The following PLCXD3 variants were observed in gnomAD, a reference collection of about 807,000 sequenced individuals.
PLCXD3 encodes the protein phosphatidylinositol specific phospholipase C X domain containing 3, also known as PI-PLC X domain-containing protein 3.
Under a neutral mutation model 25.5 loss-of-function variants are expected in PLCXD3, and 19 were observed. That is an observed-to-expected ratio of 0.75 (90% CI 0.52 to 1.09). The LOEUF (loss-of-function observed/expected upper bound fraction) is 1.09, where lower values mean the gene tolerates loss of function less well. Ranked by LOEUF, PLCXD3 falls within the 50% of genes least tolerant of loss-of-function variation. The pLI is 0.00. For synonymous variants in PLCXD3, 174 were observed against 137.6 expected, an observed-to-expected ratio of 1.26 and a Z score of -1.85; for missense variants, 411 against 388.1, an observed-to-expected ratio of 1.06 and a Z score of -0.50.
chr5:41,342,857 A>G (rs1191421240), intron 2 of PLCXD3, among the ~76,000 whole-genome samples: 1 of 152,156 alleles, frequency 6.6e-6, no homozygotes, highest in East Asian at 1.9e-4. Context: ...ACAATTTGAA[A>G]AATATAAACA....
At chr5:41,384,503 A>G (rs922287648) in intron 1 of PLCXD3, among the ~76,000 whole-genome samples, 62 of 152,098 alleles carry the variant, frequency 4.1e-4, no homozygotes, top group African/African-American at 1.3e-3. Context: ...TTCCAGGCAC[A>G]TGAAGGGAAA....
chr5:41,461,932 C>T (rs1459281916), intron 1 of PLCXD3, among the ~76,000 whole-genome samples: 6 of 151,968 alleles, frequency 3.9e-5, no homozygotes, highest in Non-Finnish European at 8.8e-5. Flanking sequence ...ATCTACTCAA[C>T]AAGCATGTGC....
chr5:41,418,177 T>C (rs1746736220), intron 1 of PLCXD3, among the ~76,000 whole-genome samples: 1 of 152,192 alleles, frequency 6.6e-6, no homozygotes. Flanking sequence ...GGCATATATT[T>C]TTAGAATATA....
At chr5:41,490,318 G>A (rs1748632958) in intron 1 of PLCXD3, among the ~76,000 whole-genome samples, 1 of 152,218 alleles carries the variant, frequency 6.6e-6, no homozygotes, top group Non-Finnish European at 1.5e-5. Context: ...TTTTTGACAT[G>A]CTGCTGGATT....
In PLCXD3 at chr5:41,313,163, G is replaced by A. The variant is rs1020566155; in HGVS notation, c.*454C>T. 1 of 158,376 alleles carries A rather than the reference G, an allele frequency of 6.3e-6. No homozygotes were observed. Among genetic ancestry groups the A allele is most frequent in the Non-Finnish European group, 1.4e-5 (1 of 71,398 alleles). 9.8% of individuals were successfully genotyped at this position (158,376 alleles called of 1,614,324 possible). On this transcript the variant is annotated 3_prime_UTR_variant, in exon 3 of 3. Coordinates refer to ENST00000377801, the MANE Select transcript of PLCXD3 (RefSeq NM_001005473.3). ...GTCCCACAAAACTAGTAAGTTTTAA[G>A]ACAACAATGTAATACACAAAATGTT...
At chr5:41,316,295 G>T (rs1022728756) in intron 2 of PLCXD3, among the ~76,000 whole-genome samples, 60 of 152,224 alleles carry the variant, frequency 3.9e-4, no homozygotes, top group African/African-American at 1.3e-3. Flanking sequence ...AAAGGATGTA[G>T]ACCTACCAGC....
At chr5:41,463,665 G>T (rs1438731438) in intron 1 of PLCXD3, among the ~76,000 whole-genome samples, 2 of 151,910 alleles carry the variant, frequency 1.3e-5, no homozygotes, top group African/African-American at 2.4e-5. Context: ...GCAGAGTTGG[G>T]TCAGAGGCTC....
intron 1 of PLCXD3, among the ~76,000 whole-genome samples, chr5:41,401,027 AGT>A (rs1746170378): frequency 6.6e-6 from 1 of 151,882 alleles, no homozygotes. Context: ...AAAAGAATAT[AGT>A]GTGCTTATTT....
intron 1 of PLCXD3, among the ~76,000 whole-genome samples, chr5:41,510,154 C>T (rs1441449938): frequency 6.6e-6 from 1 of 152,150 alleles, no homozygotes; most frequent in African/African-American, 2.4e-5. Context: ...CCAGCTTCTC[C>T]TCTGCCCCAG....
At position 41,427,640 on chromosome 5, in the gene PLCXD3, T is replaced by C. The variant is rs1399656053; in HGVS notation, c.104-45106A>G. Among the ~76,000 whole-genome samples, 3 of 152,190 alleles carry C rather than the reference T, an allele frequency of 2.0e-5. No individual in the cohort carries two copies. In the East Asian group the frequency reaches 5.8e-4, roughly 29 times the overall value. On this transcript the variant is annotated intron_variant, in intron 1 of 2. Coordinates refer to ENST00000377801, the MANE Select transcript of PLCXD3 (RefSeq NM_001005473.3). ...ATTCACAGAACATAGTTTCCACATA[T>C]GTTCTGGAACTTTTTGCTGGGAGGT...
At chr5:41,465,963 T>C (rs1017002585) in intron 1 of PLCXD3, among the ~76,000 whole-genome samples, 2 of 152,116 alleles carry the variant, frequency 1.3e-5, no homozygotes, top group Non-Finnish European at 2.9e-5. Context: ...AGAAACTATC[T>C]AATTACGTCA....
intron 1 of PLCXD3, among the ~76,000 whole-genome samples, chr5:41,435,711 T>G (rs1747231928): frequency 6.6e-6 from 1 of 152,242 alleles, no homozygotes; most frequent in South Asian, 2.1e-4. Context: ...TAGGCATTCC[T>G]TGGTAAAAAT....
chr5:41,405,201 G>A (rs1240406556), intron 1 of PLCXD3, among the ~76,000 whole-genome samples: 1 of 152,128 alleles, frequency 6.6e-6, no homozygotes, highest in Non-Finnish European at 1.5e-5. Flanking sequence ...TATAAGGGTA[G>A]CTTTGTTGTT....
At chr5:41,355,722 C>T (rs1029554012) in intron 2 of PLCXD3, among the ~76,000 whole-genome samples, 2 of 152,176 alleles carry the variant, frequency 1.3e-5, no homozygotes, top group African/African-American at 4.8e-5. Context: ...TCCATGCATG[C>T]TGCCCTAGTC....
intron 1 of PLCXD3, among the ~76,000 whole-genome samples, chr5:41,400,931 T>A (rs909784379): frequency 3.9e-5 from 6 of 152,172 alleles, no homozygotes; most frequent in South Asian, 4.1e-4. Context: ...ACATTGCATG[T>A]GTGTATCAAA....
At chr5:41,348,410 G>C (rs1744361944) in intron 2 of PLCXD3, among the ~76,000 whole-genome samples, 1 of 152,278 alleles carries the variant, frequency 6.6e-6, no homozygotes, top group Non-Finnish European at 1.5e-5. Flanking sequence ...GATGTCATGA[G>C]AGTAGGATTT....
chr5:41,378,103 A>T (rs2150491315), intron 2 of PLCXD3, among the ~76,000 whole-genome samples: 1 of 152,236 alleles, frequency 6.6e-6, no homozygotes, highest in South Asian at 2.1e-4. Context: ...AAGAAGAGAA[A>T]GCCAACAAGT....
In PLCXD3 at chr5:41,473,764, T is replaced by A. The variant is rs1443682489; in HGVS notation, c.103+36660A>T. On this transcript the variant is annotated intron_variant, in intron 1 of 2. Coordinates refer to ENST00000377801, the MANE Select transcript of PLCXD3 (RefSeq NM_001005473.3). ...AGCCACCACACCCAGCCGCCATTAG[T>A]TTTTATGGATAGAACCATTCATTTT... Among the ~76,000 whole-genome samples the A allele has an allele frequency of 5.3e-5, 8 of 152,254 alleles. No individual in the cohort carries two copies. In the South Asian group the frequency reaches 8.3e-4, roughly 16 times the overall value.
intron 2 of PLCXD3, among the ~76,000 whole-genome samples, chr5:41,341,771 G>T (rs1405288128): frequency 6.6e-6 from 1 of 152,046 alleles, no homozygotes; most frequent in Non-Finnish European, 1.5e-5. Context: ...TCCCCGTGTT[G>T]CTAATCTCAA....
Sources: gnomAD v4.1 joint callset for allele counts (sites outside exome capture counted in the v4.1 genomes callset) on GRCh38, gnomAD v4.1.1 for gene constraint, MANE v1.5 for transcripts, NCBI Gene and HGNC (gene_info 2026-07-23, HGNC 2026-07-21) for gene names.